LRRTM4: variants seen among roughly 807,000 people sequenced by gnomAD.
LRRTM4 encodes leucine-rich repeat transmembrane neuronal protein 4.
Under a neutral mutation model 47.6 loss-of-function variants are expected in LRRTM4, and 25 were observed. That is an observed-to-expected ratio of 0.53 (90% CI 0.38 to 0.73). The LOEUF (loss-of-function observed/expected upper bound fraction) is 0.73, where lower values mean the gene tolerates loss of function less well. Among genes scored for constraint, LRRTM4 ranks in the 30% least tolerant of loss-of-function variants. LRRTM4 has a pLI of 0.00. For missense variants in LRRTM4, 638 were observed against 713.4 expected (o/e 0.89, Z 1.20); for synonymous variants, 311 against 269.5 (o/e 1.15, Z -1.51).
chr2:76,984,658 G>A (rs577449238), intron 3 of LRRTM4, among the ~76,000 whole-genome samples: 1 of 152,060 alleles, frequency 6.6e-6, no homozygotes, highest in Non-Finnish European at 1.5e-5. Context: ...CATTAAGATT[G>A]GAAGATCAGA....
chr2:77,437,960 T>A (rs1036732738), intron 3 of LRRTM4, among the ~76,000 whole-genome samples: 3 of 152,186 alleles, frequency 2.0e-5, no homozygotes, highest in East Asian at 3.9e-4. Flanking sequence ...AAGATTATTA[T>A]CAAGTTATTA....
chr2:77,143,662 G>C (rs1672184111), intron 3 of LRRTM4, among the ~76,000 whole-genome samples: 1 of 152,100 alleles, frequency 6.6e-6, no homozygotes, highest in Non-Finnish European at 1.5e-5. Flanking sequence ...AAGCATTTCA[G>C]AATTTCTGCA....
intron 3 of LRRTM4, among the ~76,000 whole-genome samples, chr2:77,021,464 G>T (rs1678268109): frequency 6.6e-6 from 1 of 152,134 alleles, no homozygotes; most frequent in East Asian, 1.9e-4. Flanking sequence ...ACTTGCCCAT[G>T]TGACATATTT....
chr2:77,015,312 G>A (rs1209392591), intron 3 of LRRTM4, among the ~76,000 whole-genome samples: 3 of 152,080 alleles, frequency 2.0e-5, no homozygotes, highest in African/African-American at 4.8e-5. Context: ...CTGATACATG[G>A]AGGAAGTTGT....
At chr2:76,990,940 C>G (rs996572211) in intron 3 of LRRTM4, among the ~76,000 whole-genome samples, 1 of 151,480 alleles carries the variant, frequency 6.6e-6, no homozygotes, top group Non-Finnish European at 1.5e-5. Context: ...CAAAATCATA[C>G]CAACCACACT....
chr2:77,482,692 CA>C (rs1677753749), intron 3 of LRRTM4, among the ~76,000 whole-genome samples: 1 of 152,088 alleles, frequency 6.6e-6, no homozygotes, highest in Non-Finnish European at 1.5e-5. Flanking sequence ...TAATTATCAT[CA>C]AAAGCAAGTT....
At chr2:77,496,792 A>T (rs2104063524) in intron 3 of LRRTM4, among the ~76,000 whole-genome samples, 1 of 151,736 alleles carries the variant, frequency 6.6e-6, no homozygotes, top group Admixed American at 6.6e-5. Context: ...TGATGTAGTG[A>T]TGGCCTTCTT....
intron 3 of LRRTM4, among the ~76,000 whole-genome samples, chr2:77,204,048 G>C (rs1050616176): frequency 6.6e-6 from 1 of 152,108 alleles, no homozygotes; most frequent in African/African-American, 2.4e-5. Flanking sequence ...TGTCAGGCCA[G>C]GAGACCTGGG....
chr2:77,472,824 A>G (rs1558759575), intron 3 of LRRTM4, among the ~76,000 whole-genome samples: 1 of 152,118 alleles, frequency 6.6e-6, no homozygotes, highest in Non-Finnish European at 1.5e-5. Flanking sequence ...GTTGGTAGAT[A>G]AGCTATATGG....
intron 3 of LRRTM4, among the ~76,000 whole-genome samples, chr2:77,263,872 A>C (rs546213055): frequency 6.6e-6 from 1 of 152,142 alleles, no homozygotes; most frequent in South Asian, 2.1e-4. Flanking sequence ...TTCAAACTGA[A>C]GTCTCATTTT....
chr2:77,033,335 T>C (rs1446934426), intron 3 of LRRTM4, among the ~76,000 whole-genome samples: 2 of 151,760 alleles, frequency 1.3e-5, no homozygotes, highest in Non-Finnish European at 2.9e-5. Context: ...TAAAGATTAT[T>C]AAAAAAATCT....
chr2:76,895,573 G>C (rs577245790), intron 3 of LRRTM4, among the ~76,000 whole-genome samples: 11 of 152,148 alleles, frequency 7.2e-5, no homozygotes, highest in African/African-American at 1.9e-4. Context: ...CAGACTGCTA[G>C]AGATTTAAAT....
chr2:77,131,634 A>C (rs371679922), intron 3 of LRRTM4, among the ~76,000 whole-genome samples: 3 of 152,134 alleles, frequency 2.0e-5, no homozygotes, highest in East Asian at 1.9e-4. Context: ...ATTTTGTCAA[A>C]GATAAGGCTA....
rs201525166 is a variant in LRRTM4 at position 76,816,819 on chromosome 2, G to GTTTTTTTTTTTTTTTTTTT, written c.1552-67922_1552-67904dup. Among the ~76,000 whole-genome samples, 9 of 96,522 alleles carry GTTTTTTTTTTTTTTTTTTT rather than the reference G, an allele frequency of 9.3e-5. 1 individual carries two copies. Among genetic ancestry groups the GTTTTTTTTTTTTTTTTTTT allele is most frequent in the Non-Finnish European group, 1.3e-4 (5 of 39,908 alleles). The allele number at this position is 96,522 out of a possible 152,430, so 63.3% of individuals were successfully genotyped here. A position where few individuals can be genotyped will look rare whatever the true frequency, so the allele number is the denominator to read the frequency against. On this transcript the variant is annotated intron_variant, in intron 3 of 3. Transcript: ENST00000409884. ...CACTGCTTTTACTTAGAGGTAAAGA[G>GTTTTTTTTTTTTTTTTTTT]TTTTTTTTTTTTTTTTTTTTTTTTT...
chr2:76,776,092 AT>A (rs921380099), intron 3 of LRRTM4, among the ~76,000 whole-genome samples: 2,068 of 152,220 alleles, frequency 0.014, 51 homozygotes, highest in African/African-American at 0.046. Flanking sequence ...TGAACTCATC[AT>A]TTTTTATGGC....
At chr2:77,144,275 C>T (rs1406227655) in intron 3 of LRRTM4, among the ~76,000 whole-genome samples, 24 of 152,134 alleles carry the variant, frequency 1.6e-4, no homozygotes. Context: ...TAAGGCAATT[C>T]CTGGAGGAAC....
chr2:77,182,352 C>T (rs1673372137), intron 3 of LRRTM4, among the ~76,000 whole-genome samples: 1 of 152,020 alleles, frequency 6.6e-6, no homozygotes, highest in South Asian at 2.1e-4. Flanking sequence ...GTTTTCAACA[C>T]TCACAAGTGG....
At chr2:77,154,550 T>C (rs1672509916) in intron 3 of LRRTM4, among the ~76,000 whole-genome samples, 1 of 152,184 alleles carries the variant, frequency 6.6e-6, no homozygotes, top group Non-Finnish European at 1.5e-5. Context: ...AAAGTATTTA[T>C]AGATAGTAAT....
chr2:76,797,740 ACATAGGCT>A (rs1174143805), intron 3 of LRRTM4, among the ~76,000 whole-genome samples: 3 of 151,428 alleles, frequency 2.0e-5, no homozygotes, highest in Non-Finnish European at 4.4e-5. Flanking sequence ...GCAGAGACAC[ACATAGGCT>A]CAAAATAAAA....
Sources: gnomAD v4.1 joint callset for allele counts (sites outside exome capture counted in the v4.1 genomes callset) on GRCh38, gnomAD v4.1.1 for gene constraint, MANE v1.5 for transcripts, NCBI Gene and HGNC (gene_info 2026-07-23, HGNC 2026-07-21) for gene names.